ZNF592: variants seen among roughly 807,000 people sequenced by gnomAD.
ZNF592 encodes the protein spinocerebellar ataxia, autosomal recessive 5.
ZNF592 carries 11 observed loss-of-function variants against 80.3 expected under a neutral mutation model. The observed-to-expected ratio is 0.14, with a 90% CI of 0.09 to 0.23. The LOEUF is 0.23. Among genes scored for constraint, ZNF592 ranks in the 10% least tolerant of loss-of-function variants. ZNF592 has a pLI of 1.00. For synonymous variants in ZNF592, 646 were observed against 640.3 expected, an observed-to-expected ratio of 1.01 and a Z score of -0.13; for missense variants, 1,420 against 1,633.9, an observed-to-expected ratio of 0.87 and a Z score of 2.26.
At chr15:84,779,984 GTTTTGTT>G (rs1331607387) in intron 3 of ZNF592, among the ~76,000 whole-genome samples, 25 of 131,762 alleles carry the variant, frequency 1.9e-4, no homozygotes, top group African/African-American at 7.1e-4. Flanking sequence ...TTCCTAGACA[GTTTTGTT>G]TTTTTTTTTT....
Position 84,798,401 on chromosome 15 carries a change from A to T in ZNF592, c.2663A>T (p.Gln888Leu). The T allele has an allele frequency of 6.2e-7, 1 of 1,614,212 alleles. No homozygotes were observed. The change falls in exon 7 of 11, where the codon CAG (glutamine) becomes CTG (leucine). Residue 888 changes from glutamine (Q) to leucine (L), a missense_variant. Around this residue, in one of 7 missense-constraint regions of ZNF592, gnomAD observed 331 missense variants for 347.0 expected, o/e 0.95. Transcript: ENST00000560079. This position sits in a 1 kb window ranked among gnomAD's most constrained non-coding sequence, Gnocchi z 4.5. ...QHFYQNVSKTQVGVFKCPECP... is the reference protein window; with the variant it reads ...QHFYQNVSKTLVGVFKCPECP... ...TTTTACCAGAATGTCAGCAAGACGC[A>T]GGTGGGCGTCTTCAAGTGCCCTGAG...
Position 84,783,514 on chromosome 15 carries a change from A to G in ZNF592, c.839A>G (p.Lys280Arg). Residue 280 changes from lysine (K) to arginine (R), a missense_variant, in exon 4 of 11, where the codon AAG becomes AGG. Physicochemically the swap from Lys to Arg is conservative, Grantham distance 26 (BLOSUM62 2). Transcript: ENST00000560079. This position sits in a 1 kb window ranked among gnomAD's most constrained non-coding sequence, Gnocchi z 5.0. ...CAGCGTCTAAAGCCAGCTCATTCCA[A>G]GCTGTCCTCTTGTGTGGCAGCCTTG... ...PRQRLKPAHS[K>R]LSSCVAALVA... is the part of the protein sequence containing the mutation. 1 of 1,614,208 alleles carries G rather than the reference A, an allele frequency of 6.2e-7. No homozygotes were observed. Among genetic ancestry groups the G allele is most frequent in the South Asian group, 1.1e-5 (1 of 91,080 alleles).
intron 5 of ZNF592, among the ~76,000 whole-genome samples, chr15:84,792,635 A>G (rs531786387): frequency 2.6e-5 from 4 of 152,170 alleles, no homozygotes; most frequent in Non-Finnish European, 4.4e-5. Context: ...TGCTTTTTGT[A>G]GAGAGAGGGT....
rs1406609090 is a variant in ZNF592, at chr15:84,798,950, G to T, written c.3024+75G>T. 1.9e-6 allele frequency: 3 copies of T among 1,598,800 alleles called. No individual in the cohort carries two copies. Among genetic ancestry groups the T allele is most frequent in the Admixed American group, 3.3e-5 (2 of 59,816 alleles). On this transcript the variant is annotated intron_variant, in intron 8 of 10. Coordinates refer to ENST00000560079, the MANE Select transcript of ZNF592 (RefSeq NM_014630.3). The surrounding 1 kb of genome is among the most constrained non-coding windows in gnomAD (Gnocchi z 4.5). ...CTTCTGTGAAGCCAGAACCCCTAGG[G>T]TTCCTGGTGCTTAGGGCAGGGTGGG... is the stretch of plus-strand genomic sequence containing the variant.
At chr15:84,796,781 A>G (rs1302773214) in intron 5 of ZNF592, among the ~76,000 whole-genome samples, 1 of 152,214 alleles carries the variant, frequency 6.6e-6, no homozygotes, top group Non-Finnish European at 1.5e-5. Context: ...AGTTATCCCC[A>G]TAGTTCCACC....
chr15:84,786,623 C>T (rs1962592052), intron 4 of ZNF592, among the ~76,000 whole-genome samples: 1 of 152,124 alleles, frequency 6.6e-6, no homozygotes, highest in South Asian at 2.1e-4. Context: ...CTCTCATCTC[C>T]TCCTGCTCTG....
At position 84,802,437 on chromosome 15, in the gene ZNF592, G is replaced by A. The variant is rs1396198087; in HGVS notation, c.*44G>A. ...GCATGGTCAGGGGTGGTGCCGAAGT[G>A]TCTTCCACCTGCCCTGCGGACCGTG... On this transcript the variant is annotated 3_prime_UTR_variant, in exon 11 of 11. Transcript: ENST00000560079. 1 of 1,605,812 alleles carries A rather than the reference G, an allele frequency of 6.2e-7. No homozygotes were observed. The highest frequency in any genetic ancestry group is 8.5e-7 in the Non-Finnish European group (1 of 1,174,444).
rs1170812983 is a variant in ZNF592, at chr15:84,806,417, G to A, written c.*4024G>A. The stretch of plus-strand genomic sequence containing the variant: ...TGTAACATTTTAGAGAAATTAAAAA[G>A]CACACATATTTATAATCTCTTCCTC... On this transcript the variant is annotated 3_prime_UTR_variant, in exon 11 of 11. Transcript: ENST00000560079. The A allele has an allele frequency of 1.3e-5, 2 of 152,184 alleles. No homozygotes were observed. The highest frequency in any genetic ancestry group is 2.9e-5 in the Non-Finnish European group (2 of 68,024). 9.4% of individuals were successfully genotyped at this position (152,184 alleles called of 1,614,324 possible).
chr15:84,790,758 C>T lies in ZNF592; in HGVS notation c.2274C>T (p.His758=), dbSNP rs1962723246. ...LLPNQCSFCA[H]QRIHAHKSPY... Reference sequence around the variant, plus strand: ...CCAACCAGTGCAGTTTCTGTGCCCACCAGCGGATTCATGCACACAAGTCCC... The same window carrying T: ...CCAACCAGTGCAGTTTCTGTGCCCATCAGCGGATTCATGCACACAAGTCCC... Residue 758 remains histidine, a synonymous_variant, in exon 5 of 11, where the codon CAC becomes CAT. Transcript: ENST00000560079. 6.2e-7 allele frequency: 1 copy of T among 1,614,016 alleles called. No homozygotes were observed. The highest frequency in any genetic ancestry group is 8.5e-7 in the Non-Finnish European group (1 of 1,180,016).
At position 84,766,386 on chromosome 15, in the gene ZNF592, A is replaced by G. The variant is rs141404986; in HGVS notation, c.-150+1571A>G. ...TCCCTTGGATCACCAGGGACATACAATAGGCACATACAGAACACCTGGATA... is the reference window on the plus strand; with the variant it reads ...TCCCTTGGATCACCAGGGACATACAGTAGGCACATACAGAACACCTGGATA... On this transcript the variant is annotated intron_variant, in intron 2 of 10. Coordinates refer to ENST00000560079, the MANE Select transcript of ZNF592 (RefSeq NM_014630.3). 2.9e-4 allele frequency among the ~76,000 whole-genome samples: 44 copies of G among 152,328 alleles called. No individual in the cohort carries two copies. The East Asian group carries it at 6.9e-3, about 24-fold the overall frequency.
chr15:84,777,519 A>G (rs893430339), intron 2 of ZNF592, among the ~76,000 whole-genome samples: 1 of 151,454 alleles, frequency 6.6e-6, no homozygotes, highest in Non-Finnish European at 1.5e-5. Context: ...ATGGGGTCTC[A>G]CTATGTTGGT....
At chr15:84,780,685 CA>C (rs1433256606) in intron 3 of ZNF592, among the ~76,000 whole-genome samples, 1 of 152,108 alleles carries the variant, frequency 6.6e-6, no homozygotes, top group African/African-American at 2.4e-5. Flanking sequence ...GGCAAGAAAC[CA>C]AACCTGGAAA....
chr15:84,801,186 G>A (rs1486919430), intron 10 of ZNF592, among the ~76,000 whole-genome samples: 1 of 152,216 alleles, frequency 6.6e-6, no homozygotes, highest in Non-Finnish European at 1.5e-5. Flanking sequence ...TTAGCTGGGT[G>A]TGGTGGTGTG....
At position 84,802,330 on chromosome 15, in the gene ZNF592, T is replaced by C. The variant is rs143799956; in HGVS notation, c.3741T>C (p.Asn1247=). 7 of 1,613,988 alleles carry C rather than the reference T, an allele frequency of 4.3e-6. No homozygotes were observed. Among genetic ancestry groups the C allele is most frequent in the East Asian group, 2.2e-5 (1 of 44,882 alleles). The change falls in exon 11 of 11, where the codon AAT becomes AAC. Residue 1247 remains asparagine (N), a synonymous_variant. Coordinates refer to ENST00000560079, the MANE Select transcript of ZNF592 (RefSeq NM_014630.3). ...CCCCTGAGGACGATGGTGGCCACAA[T>C]GATCACAGTCAACCACAGGCCTCTC... ...GPAPEDDGGH[N]DHSQPQASQD...
chr15:84,800,051 T>G, intron 10 of ZNF592, 74 bp downstream of exon 10: 1 of 1,607,062 alleles, frequency 6.2e-7, no homozygotes, highest in Non-Finnish European at 8.5e-7. Flanking sequence ...TTAGGAAGGC[T>G]ACTGTTGTGG....
At position 84,798,026 on chromosome 15, in the gene ZNF592, C is replaced by A; in HGVS notation, c.2557C>A (p.Gln853Lys). 6.2e-7 allele frequency: 1 copy of A among 1,614,024 alleles called. No homozygotes were observed. The highest frequency in any genetic ancestry group is 8.5e-7 in the Non-Finnish European group (1 of 1,180,044). Residue 853 changes from glutamine (Q) to lysine (K), a missense_variant, in exon 6 of 11, where the codon CAG (glutamine) becomes AAG (lysine). Physicochemically the swap from Gln to Lys is moderately conservative, Grantham distance 53. This residue lies in a region of ZNF592 where 331 missense variants were observed against 347.0 expected (regional missense o/e 0.95). Coordinates refer to ENST00000560079, the MANE Select transcript of ZNF592 (RefSeq NM_014630.3). This position sits in a 1 kb window ranked among gnomAD's most constrained non-coding sequence, Gnocchi z 4.5. ...ADHSATQHPTQPHRPSQLIYK... is the reference protein window; with the variant it reads ...ADHSATQHPTKPHRPSQLIYK... ...CCACAGTGCCACCCAGCACCCCACC[C>A]AGCCCCACAGACCCTCCCAGTGAGT...
At chr15:84,795,606 C>T (rs888643227) in intron 5 of ZNF592, among the ~76,000 whole-genome samples, 5 of 152,218 alleles carry the variant, frequency 3.3e-5, no homozygotes, top group Non-Finnish European at 7.3e-5. Flanking sequence ...ATCAGATGTA[C>T]TTGGCCACTT....
chr15:84,773,977 C>T lies in ZNF592; in HGVS notation c.-149-4206C>T, dbSNP rs114298993. Among the ~76,000 whole-genome samples, 881 of 152,324 alleles carry T rather than the reference C, an allele frequency of 5.8e-3. 13 individuals are homozygous for T. The highest frequency in any genetic ancestry group is 0.02 in the African/African-American group (849 of 41,572). The stretch of plus-strand genomic sequence containing the variant: ...GAGTGTTCTTTCTGATAATGCCTAG[C>T]ATTTTCTGGGCCTTTTGTGATGAAA... On this transcript the variant is annotated intron_variant, in intron 2 of 10. Coordinates refer to ENST00000560079, the MANE Select transcript of ZNF592 (RefSeq NM_014630.3).
chr15:84,781,911 T>G, intron 3 of ZNF592, among the ~76,000 whole-genome samples: 1 of 152,248 alleles, frequency 6.6e-6, no homozygotes, highest in East Asian at 1.9e-4. Flanking sequence ...TATTATCCTA[T>G]TCTTTGTATA....
Sources: gnomAD v4.1 joint callset for allele counts (sites outside exome capture counted in the v4.1 genomes callset) on GRCh38, gnomAD v4.1.1 for gene constraint, gnomAD v4.1.1 regional missense constraint, Gnocchi (gnomAD v3.1) non-coding constraint, MANE v1.5 for transcripts, NCBI Gene and HGNC (gene_info 2026-07-23, HGNC 2026-07-21) for gene names.